The following RFLNA variants were observed in gnomAD, a reference collection of about 807,000 sequenced individuals.
RFLNA encodes refilin-A.
In RFLNA, 5 loss-of-function variants were observed where a neutral mutation model predicts 7.8. That is an observed-to-expected ratio of 0.64 (90% CI 0.34 to 1.35). RFLNA has a LOEUF of 1.35. Ranked by LOEUF, RFLNA falls within the 40% of genes most tolerant of loss-of-function variation. The probability of loss-of-function intolerance (pLI) is 0.04; values close to 1 mark genes in which losing one functional copy is unlikely to be tolerated. For missense variants in RFLNA, 278 were observed against 305.5 expected, an observed-to-expected ratio of 0.91 and a Z score of 0.67; for synonymous variants, 141 against 131.3, an observed-to-expected ratio of 1.07 and a Z score of -0.50.
rs552781592 is a variant in RFLNA at position 124,300,203 on chromosome 12, T to C, written c.207+4567T>C. Reference sequence around the variant, plus strand: ...GATGCAGAGACGGGGCCTCTGGCCCTGGACTGCACCCACAGCTGGTGGCCT... The same window carrying C: ...GATGCAGAGACGGGGCCTCTGGCCCCGGACTGCACCCACAGCTGGTGGCCT... On this transcript the variant is annotated intron_variant, in intron 1 of 2. Transcript: ENST00000546355. Among the ~76,000 whole-genome samples the C allele has an allele frequency of 7.9e-5, 12 of 152,378 alleles. No individual in the cohort carries two copies. In the East Asian group the frequency reaches 2.3e-3, roughly 29 times the overall value.
intron 1 of RFLNA, among the ~76,000 whole-genome samples, chr12:124,307,719 G>A (rs2034160614): frequency 6.6e-6 from 1 of 152,192 alleles, no homozygotes; most frequent in Non-Finnish European, 1.5e-5. Context: ...TTTAGCATGT[G>A]GTTCTCTTGT....
At chr12:124,311,267 A>G (rs2034238507) in intron 1 of RFLNA, among the ~76,000 whole-genome samples, 1 of 145,916 alleles carries the variant, frequency 6.9e-6, no homozygotes. Flanking sequence ...CCTCCTGCAG[A>G]CATCTGCTAT....
Position 124,295,268 on chromosome 12 carries a change from G to T in RFLNA, c.-162G>T. The stretch of plus-strand genomic sequence containing the variant: ...GGCGAGCAGGCTGCAGGCCCGCGGG[G>T]ATCCGGGGCGCGGGGGGCGCCGGGC... On this transcript the variant is annotated 5_prime_UTR_variant, in exon 1 of 3. Coordinates refer to ENST00000546355, the MANE Select transcript of RFLNA (RefSeq NM_001365156.1). The T allele has an allele frequency of 5.5e-6, 1 of 183,034 alleles. No homozygotes were observed. Among genetic ancestry groups the T allele is most frequent in the Non-Finnish European group, 1.0e-5 (1 of 95,766 alleles). The allele number at this position is 183,034 out of a possible 1,614,324, so 11.3% of individuals were successfully genotyped here. A position where few individuals can be genotyped will look rare whatever the true frequency, so the allele number is the denominator to read the frequency against.
chr12:124,303,824 C>T (rs1358341961), intron 1 of RFLNA, among the ~76,000 whole-genome samples: 1 of 152,132 alleles, frequency 6.6e-6, no homozygotes, highest in Non-Finnish European at 1.5e-5. Flanking sequence ...TGTGGGAGGG[C>T]GCTGCAGCCT....
chr12:124,312,173 C>T (rs1040026864), intron 2 of RFLNA, among the ~76,000 whole-genome samples: 1 of 152,288 alleles, frequency 6.6e-6, no homozygotes, highest in East Asian at 1.9e-4. Context: ...GCCCCCACCC[C>T]AGGTCTATTC....
At chr12:124,312,093 G>A (rs928026272) in intron 2 of RFLNA, among the ~76,000 whole-genome samples, 166 bp downstream of exon 2, 3 of 151,990 alleles carry the variant, frequency 2.0e-5, no homozygotes, top group Non-Finnish European at 4.4e-5. Flanking sequence ...GAGTTTGGCC[G>A]TATCTTAGCC....
intron 2 of RFLNA, among the ~76,000 whole-genome samples, chr12:124,313,565 G>A (rs548671625): frequency 1.3e-5 from 2 of 152,132 alleles, no homozygotes; most frequent in African/African-American, 2.4e-5. Context: ...TGTAGTCCCA[G>A]CTACTCGGGA....
At chr12:124,291,372 A>G (rs576615005), upstream of RFLNA, among the ~76,000 whole-genome samples, 1 of 152,226 alleles carries the variant, frequency 6.6e-6, no homozygotes, top group Non-Finnish European at 1.5e-5. Flanking sequence ...CTCCTGCCTC[A>G]GCCTCCTGTG....
At position 124,315,511 on chromosome 12, in the gene RFLNA, C is replaced by A. The variant is rs1198414685; in HGVS notation, c.*986C>A. On this transcript the variant is annotated 3_prime_UTR_variant, in exon 3 of 3. Coordinates refer to ENST00000546355, the MANE Select transcript of RFLNA (RefSeq NM_001365156.1). Reference sequence around the variant, plus strand: ...CTCAGCCTGCATTCCTGTGCGCAATCGATTCCGCAATGACAGCACCTTACT... The same window carrying A: ...CTCAGCCTGCATTCCTGTGCGCAATAGATTCCGCAATGACAGCACCTTACT... 6.6e-6 allele frequency: 1 copy of A among 152,246 alleles called. No homozygotes were observed. The allele number at this position is 152,246 out of a possible 1,614,324, so 9.4% of individuals were successfully genotyped here.
intron 1 of RFLNA, among the ~76,000 whole-genome samples, chr12:124,310,128 G>T (rs1472230645): frequency 7.8e-6 from 1 of 127,964 alleles, no homozygotes; most frequent in Non-Finnish European, 1.6e-5. Flanking sequence ...AGCCATGATT[G>T]CACTACCGTA....
intron 1 of RFLNA, among the ~76,000 whole-genome samples, chr12:124,298,338 G>A (rs551651767): frequency 9.2e-5 from 14 of 151,838 alleles, no homozygotes; most frequent in African/African-American, 3.4e-4. Flanking sequence ...CCTCCTGGAC[G>A]CCCCCCACCC....
intron 1 of RFLNA, among the ~76,000 whole-genome samples, chr12:124,296,104 C>CTT (rs374150767): frequency 3.8e-3 from 19 of 4,994 alleles, no homozygotes; most frequent in African/African-American, 5.4e-3. Context: ...TTCTTTCTTT[C>CTT]TTTCTTTCTT....
At chr12:124,308,150 T>C (rs1197046268) in intron 1 of RFLNA, among the ~76,000 whole-genome samples, 1 of 151,976 alleles carries the variant, frequency 6.6e-6, no homozygotes, top group African/African-American at 2.4e-5. Context: ...CCTGGCTAAT[T>C]TTTGTATTTT....
intron 1 of RFLNA, among the ~76,000 whole-genome samples, chr12:124,300,916 GTGGATGGA>G (rs57838924): frequency 2.1e-5 from 3 of 145,014 alleles, no homozygotes; most frequent in African/African-American, 5.2e-5. Flanking sequence ...GGGCAGAAGG[GTGGATGGA>G]TGGATGGATG....
rs114786346 is a variant in RFLNA, at chr12:124,295,655, T to C, written c.207+19T>C. ...CAGAGCGGTAAGGAGGCGCTCTCTC[T>C]CCCAAACGGGGGACCGCGTGGGCGG... On this transcript the variant is annotated intron_variant, in intron 1 of 2. Transcript: ENST00000546355. 113,845 of 1,226,242 alleles carry C rather than the reference T, an allele frequency of 0.093. 5,680 individuals are homozygous for C. Among genetic ancestry groups the C allele is most frequent in the African/African-American group, 0.18 (11,507 of 63,316 alleles). The allele number at this position is 1,226,242 out of a possible 1,614,324, so 76.0% of individuals were successfully genotyped here. A position where few individuals can be genotyped will look rare whatever the true frequency, so the allele number is the denominator to read the frequency against.
intron 1 of RFLNA, among the ~76,000 whole-genome samples, chr12:124,304,789 T>G (rs1038575928): frequency 7.2e-5 from 11 of 152,270 alleles, no homozygotes; most frequent in Middle Eastern, 3.4e-3. Context: ...AGTGCTCATG[T>G]TTATGTCCCC....
Position 124,314,657 on chromosome 12 carries a change from T to A in RFLNA, c.*132T>A, listed in dbSNP as rs750568389. 3.4e-6 allele frequency: 5 copies of A among 1,454,272 alleles called. No homozygotes were observed. The South Asian group carries it at 6.1e-5, about 18-fold the overall frequency. The allele number at this position is 1,454,272 out of a possible 1,614,324, so 90.1% of individuals were successfully genotyped here. ...GGGAGGCTGCCAGACCAAGGACCCGTGTGGAAGGAGGCGGCTCCCCGCTGC... is the reference window on the plus strand; with the variant it reads ...GGGAGGCTGCCAGACCAAGGACCCGAGTGGAAGGAGGCGGCTCCCCGCTGC... On this transcript the variant is annotated 3_prime_UTR_variant, in exon 3 of 3. Coordinates refer to ENST00000546355, the MANE Select transcript of RFLNA (RefSeq NM_001365156.1).
intron 1 of RFLNA, among the ~76,000 whole-genome samples, chr12:124,305,333 G>A (rs1294196223): frequency 6.6e-6 from 1 of 152,238 alleles, no homozygotes; most frequent in East Asian, 1.9e-4. Flanking sequence ...CGAAGCCTGG[G>A]AGGCGGGTCC....
upstream of RFLNA, among the ~76,000 whole-genome samples, chr12:124,294,998 C>G (rs1301393011): frequency 3.3e-5 from 5 of 151,256 alleles, no homozygotes; most frequent in South Asian, 8.3e-4. Context: ...GCGGAGGCGC[C>G]GGGCCGGGGC....
Sources: allele counts gnomAD v4.1 joint callset (sites outside exome capture counted in the v4.1 genomes callset), GRCh38; gene constraint gnomAD v4.1.1; transcripts MANE v1.5; gene names NCBI Gene and HGNC (gene_info 2026-07-23, HGNC 2026-07-21).